The following KIAA1217 variants were observed in gnomAD, a reference collection of about 807,000 sequenced individuals.
The protein encoded by KIAA1217 is sickle tail protein homolog.
A neutral mutation model predicts 163.9 loss-of-function variants in KIAA1217; 88 were observed. That is an observed-to-expected ratio of 0.54 (90% CI 0.45 to 0.64). The LOEUF (loss-of-function observed/expected upper bound fraction) is 0.64. Among genes scored for constraint, KIAA1217 ranks in the 30% least tolerant of loss-of-function variants. KIAA1217 has a pLI of 0.00. For synonymous variants in KIAA1217, 903 were observed against 923.1 expected, an observed-to-expected ratio of 0.98 and a Z score of 0.39; for missense variants, 2,372 against 2,475.0, an observed-to-expected ratio of 0.96 and a Z score of 0.88.
At chr10:24,323,454 G>A (rs1212576779) in intron 2 of KIAA1217, among the ~76,000 whole-genome samples, 1 of 152,144 alleles carries the variant, frequency 6.6e-6, no homozygotes, top group Non-Finnish European at 1.5e-5. Flanking sequence ...TCCCTGAAAG[G>A]GATCCATTCT....
intron 1 of KIAA1217, among the ~76,000 whole-genome samples, chr10:23,754,109 G>A (rs555008263): frequency 1.1e-4 from 16 of 152,290 alleles, no homozygotes; most frequent in African/African-American, 3.9e-4. Flanking sequence ...GTGAGCACCT[G>A]GGTAGCAGCC....
At chr10:23,988,119 C>T (rs1589193054) in intron 1 of KIAA1217, among the ~76,000 whole-genome samples, 2 of 134,040 alleles carry the variant, frequency 1.5e-5, no homozygotes, top group South Asian at 4.6e-4. Context: ...GTCCAGCACT[C>T]CCTTGCCATC....
intron 2 of KIAA1217, among the ~76,000 whole-genome samples, chr10:24,144,597 C>T (rs1189227724): frequency 6.6e-6 from 1 of 152,076 alleles, no homozygotes. Flanking sequence ...CTATAAGGAC[C>T]ACCGGCTTGA....
At chr10:24,476,881 C>T (rs1189665257) in intron 6 of KIAA1217, among the ~76,000 whole-genome samples, 6 of 151,996 alleles carry the variant, frequency 3.9e-5, no homozygotes. Flanking sequence ...AGACACACGA[C>T]ACACACACAA....
At chr10:24,345,879 T>C (rs10828630) in intron 2 of KIAA1217, among the ~76,000 whole-genome samples, 101,124 of 152,020 alleles carry the variant, frequency 0.67, 34,326 homozygotes, top group East Asian at 0.87. Flanking sequence ...TGGTGTTAAG[T>C]ATATTCACAT....
At chr10:23,916,432 C>T (rs960141203) in intron 1 of KIAA1217, among the ~76,000 whole-genome samples, 6 of 152,214 alleles carry the variant, frequency 3.9e-5, no homozygotes, top group South Asian at 2.1e-4. Flanking sequence ...GGCAATGTGT[C>T]TCTTCCTTCC....
chr10:23,814,279 TCTC>T (rs1319439601), intron 1 of KIAA1217, among the ~76,000 whole-genome samples: 2 of 152,100 alleles, frequency 1.3e-5, no homozygotes, highest in Non-Finnish European at 2.9e-5. Context: ...ATCTGGGTAA[TCTC>T]CTCGAGGGCA....
chr10:23,869,441 G>A (rs144817073), intron 1 of KIAA1217, among the ~76,000 whole-genome samples: 2 of 152,000 alleles, frequency 1.3e-5, no homozygotes, highest in Admixed American at 6.6e-5. Flanking sequence ...GTGTGACCTC[G>A]AATAATTTAT....
intron 1 of KIAA1217, among the ~76,000 whole-genome samples, chr10:23,764,273 G>A (rs556558710): frequency 9.9e-5 from 15 of 152,174 alleles, no homozygotes; most frequent in South Asian, 4.2e-4. Context: ...CATGCCAGTC[G>A]GAATGGTGAT....
intron 5 of KIAA1217, among the ~76,000 whole-genome samples, chr10:24,468,858 A>C (rs961845526): frequency 1.3e-5 from 2 of 152,232 alleles, no homozygotes; most frequent in African/African-American, 2.4e-5. Context: ...TTCTAATCTC[A>C]TCTATACATA....
At chr10:24,451,891 G>C (rs1450781650) in intron 5 of KIAA1217, among the ~76,000 whole-genome samples, 1 of 152,050 alleles carries the variant, frequency 6.6e-6, no homozygotes, top group East Asian at 1.9e-4. Context: ...TTGCTTTTCT[G>C]TGTTCTTTGT....
At chr10:23,849,659 T>C (rs1351431606) in intron 1 of KIAA1217, among the ~76,000 whole-genome samples, 1 of 152,086 alleles carries the variant, frequency 6.6e-6, no homozygotes, top group Admixed American at 6.6e-5. Flanking sequence ...TGTACCCTAG[T>C]ACATAAAGTA....
intron 3 of KIAA1217, among the ~76,000 whole-genome samples, chr10:24,408,808 T>C (rs1221820200): frequency 6.6e-6 from 1 of 152,192 alleles, no homozygotes; most frequent in African/African-American, 2.4e-5. Flanking sequence ...TCCTTCCCTG[T>C]TAAATTTATC....
chr10:23,973,100 A>G (rs1261969432), intron 1 of KIAA1217, among the ~76,000 whole-genome samples: 1 of 152,264 alleles, frequency 6.6e-6, no homozygotes, highest in Admixed American at 6.5e-5. Flanking sequence ...TTCCATTTGA[A>G]AAGCCATCTT....
Position 24,473,886 on chromosome 10 carries a change from A to G in KIAA1217, c.1505A>G (p.Asp502Gly). 1 of 1,614,112 alleles carries G rather than the reference A, an allele frequency of 6.2e-7. No individual in the cohort carries two copies. Among genetic ancestry groups the G allele is most frequent in the Non-Finnish European group, 8.5e-7 (1 of 1,180,028 alleles). Residue 502 changes from aspartate (D) to glycine (G), a missense_variant, in exon 6 of 21, where the codon GAC (aspartate) becomes GGC (glycine). This residue lies in a region of KIAA1217 where 1,431 missense variants were observed against 1,470.3 expected (regional missense o/e 0.97). Coordinates refer to ENST00000376454, the MANE Select transcript of KIAA1217 (RefSeq NM_019590.5). ...GGCCCCCCTCACACCATGCAGCCAG[A>G]CCGGGCCTCTCCGAGCCGCCAGGCC... is the stretch of plus-strand genomic sequence containing the variant. Reference protein sequence around the residue: ...AHGPPHTMQPDRASPSRQAFK... With the variant: ...AHGPPHTMQPGRASPSRQAFK...
intron 1 of KIAA1217, among the ~76,000 whole-genome samples, chr10:23,740,060 TGA>T (rs1839022408): frequency 8.0e-6 from 1 of 125,238 alleles, no homozygotes; most frequent in Non-Finnish European, 1.6e-5. Flanking sequence ...ATCTTAAATT[TGA>T]GATGCCTATG....
At chr10:24,309,283 T>A (rs952239741) in intron 2 of KIAA1217, among the ~76,000 whole-genome samples, 1 of 151,556 alleles carries the variant, frequency 6.6e-6, no homozygotes, top group Admixed American at 6.6e-5. Flanking sequence ...GGTATGAGGA[T>A]GGGGTCTTTC....
chr10:23,893,293 T>C (rs949332004), intron 1 of KIAA1217, among the ~76,000 whole-genome samples: 1 of 152,128 alleles, frequency 6.6e-6, no homozygotes, highest in Non-Finnish European at 1.5e-5. Context: ...GTGTTTGTAG[T>C]ATTCTCTGCT....
At chr10:23,995,024 T>G (rs2131448832) in intron 1 of KIAA1217, among the ~76,000 whole-genome samples, 1 of 152,326 alleles carries the variant, frequency 6.6e-6, no homozygotes, top group Middle Eastern at 3.4e-3. Flanking sequence ...CCGTGTCTTT[T>G]AAAGTGTTGC....
Sources: allele counts gnomAD v4.1 joint callset (sites outside exome capture counted in the v4.1 genomes callset), GRCh38; gene constraint gnomAD v4.1.1; regional missense constraint gnomAD v4.1.1; transcripts MANE v1.5; gene names NCBI Gene and HGNC (gene_info 2026-07-23, HGNC 2026-07-21).